Variants in MPRIP observed in about 807,000 individuals in gnomAD.
The protein encoded by MPRIP is myosin phosphatase Rho interacting protein, also known as myosin phosphatase Rho-interacting protein.
MPRIP carries 59 observed loss-of-function variants against 234.9 expected under a neutral mutation model. The ratio of observed to expected loss-of-function variants is 0.25; its 90% CI spans 0.20 to 0.31. The LOEUF (loss-of-function observed/expected upper bound fraction) is 0.31. Ranked by LOEUF, MPRIP falls within the 10% of genes least tolerant of loss-of-function variation. The pLI, the probability that MPRIP is intolerant of heterozygous loss-of-function variation, is 1.00. For synonymous variants in MPRIP, 1,144 were observed against 1,263.9 expected, an observed-to-expected ratio of 0.91 and a Z score of 2.01; for missense variants, 2,436 against 3,071.0, an observed-to-expected ratio of 0.79 and a Z score of 4.89.
intron 1 of MPRIP, among the ~76,000 whole-genome samples, chr17:17,059,819 T>C (rs1044646894): frequency 2.0e-5 from 3 of 151,926 alleles, no homozygotes; most frequent in Non-Finnish European, 4.4e-5. Context: ...AGTTGGGAGG[T>C]GAGCCAATTG....
intron 3 of MPRIP, among the ~76,000 whole-genome samples, chr17:17,121,120 C>G (rs2704336): frequency 6.6e-6 from 1 of 152,184 alleles, no homozygotes; most frequent in African/African-American, 2.4e-5. Context: ...AATTACAGTT[C>G]TGCGTTGTTT....
intron 13 of MPRIP, among the ~76,000 whole-genome samples, chr17:17,155,395 C>G (rs932598687): frequency 6.6e-6 from 1 of 152,072 alleles, no homozygotes; most frequent in African/African-American, 2.4e-5. Flanking sequence ...TGGGATTACC[C>G]ACCACACCCG....
chr17:17,114,709 C>T (rs1008833704), intron 3 of MPRIP, among the ~76,000 whole-genome samples: 5 of 146,654 alleles, frequency 3.4e-5, no homozygotes, highest in African/African-American at 1.0e-4. Context: ...ATCTACCCCC[C>T]GCCCACCCAC....
chr17:17,082,289 T>TG (rs2089480056), intron 3 of MPRIP, among the ~76,000 whole-genome samples: 2 of 133,470 alleles, frequency 1.5e-5, no homozygotes, highest in Non-Finnish European at 1.6e-5. Flanking sequence ...TTTCCAATTT[T>TG]TTTTTTTTTT....
At position 17,165,555 on chromosome 17, in the gene MPRIP, A is replaced by G. The variant is rs895519562; in HGVS notation, c.3964A>G (p.Ile1322Val). Reference protein sequence around the residue: ...QGAPGVKRQRIRFSTIQCQRY... With the variant: ...QGAPGVKRQRVRFSTIQCQRY... ...GGCACCTGGTGTTAAAAGGCAAAGAATCCGGTTCTCCACAATCCAGTGCCA... is the reference window on the plus strand; with the variant it reads ...GGCACCTGGTGTTAAAAGGCAAAGAGTCCGGTTCTCCACAATCCAGTGCCA... Residue 1322 changes from isoleucine (I) to valine (V), a missense_variant, in exon 16 of 24, where the codon ATC becomes GTC. Physicochemically the swap from Ile to Val is conservative, Grantham distance 29. This residue lies in a region of MPRIP where 1,998 missense variants were observed against 2,520.3 expected (regional missense o/e 0.79). Transcript: ENST00000651222. 10 of 1,304,436 alleles carry G rather than the reference A, an allele frequency of 7.7e-6. No homozygotes were observed. The African/African-American group carries it at 1.4e-4, about 18-fold the overall frequency. 80.8% of individuals were successfully genotyped at this position (1,304,436 alleles called of 1,614,324 possible). A position where few individuals can be genotyped will look rare whatever the true frequency, so the allele number is the denominator to read the frequency against.
At chr17:17,064,287 C>T (rs533404761) in intron 1 of MPRIP, among the ~76,000 whole-genome samples, 91 of 151,868 alleles carry the variant, frequency 6.0e-4, no homozygotes, top group African/African-American at 2.1e-3. Context: ...CTGCAACCTC[C>T]GCTTCCTGGG....
rs367768168 is a variant in MPRIP at position 17,108,926 on chromosome 17, A to AG, written c.268-17775dup. Among the ~76,000 whole-genome samples, 1,440 of 152,316 alleles carry AG rather than the reference A, an allele frequency of 9.5e-3. 16 individuals are homozygous for AG. Among genetic ancestry groups the AG allele is most frequent in the African/African-American group, 0.033 (1,359 of 41,578 alleles). On this transcript the variant is annotated intron_variant, in intron 3 of 23. Transcript: ENST00000651222. Reference sequence around the variant, plus strand: ...ACAGGAAGCTCCATCTGAAGCCACCAGTGGCAGCACTCCGCCCACCTGTAT... The same window carrying AG: ...ACAGGAAGCTCCATCTGAAGCCACCAGGTGGCAGCACTCCGCCCACCTGTAT...
chr17:17,114,228 A>G lies in MPRIP; in HGVS notation c.268-12474A>G, dbSNP rs141247059. The stretch of plus-strand genomic sequence containing the variant: ...TTTTATGTGTGTCTTGGCCATTTGT[A>G]TATCTTCTTTGTATATTCACATCCT... On this transcript the variant is annotated intron_variant, in intron 3 of 23. Coordinates refer to ENST00000651222, the MANE Select transcript of MPRIP (RefSeq NM_001364716.4). 9.9e-4 allele frequency among the ~76,000 whole-genome samples: 150 copies of G among 152,106 alleles called. 1 individual carries two copies. The highest frequency in any genetic ancestry group is 3.5e-3 in the African/African-American group (145 of 41,478).
chr17:17,159,111 G>A (rs1246744237), intron 14 of MPRIP, 109 bp downstream of exon 14: 7 of 1,154,756 alleles, frequency 6.1e-6, no homozygotes, highest in Non-Finnish European at 8.5e-6. Flanking sequence ...TACCCGCGAG[G>A]GACTTGCAGA....
chr17:17,113,887 T>TC (rs1555572926), intron 3 of MPRIP, among the ~76,000 whole-genome samples: 2 of 141,486 alleles, frequency 1.4e-5, no homozygotes, highest in African/African-American at 5.3e-5. Flanking sequence ...TTTCTTTTCT[T>TC]TTTTTTTTTT....
intron 3 of MPRIP, among the ~76,000 whole-genome samples, chr17:17,124,328 G>C (rs2090451057): frequency 6.6e-6 from 1 of 152,196 alleles, no homozygotes; most frequent in African/African-American, 2.4e-5. Flanking sequence ...GCCTCCAGGG[G>C]GCCGGTGGAT....
chr17:17,086,137 C>T (rs2089585413), intron 3 of MPRIP, among the ~76,000 whole-genome samples: 1 of 151,878 alleles, frequency 6.6e-6, no homozygotes, highest in South Asian at 2.1e-4. Flanking sequence ...ATGAGCAGTG[C>T]CCATGTTTAT....
chr17:17,103,296 G>A (rs981063892), intron 3 of MPRIP, among the ~76,000 whole-genome samples: 9 of 152,218 alleles, frequency 5.9e-5, no homozygotes, highest in African/African-American at 2.2e-4. Flanking sequence ...CTTGTCACCA[G>A]GAGCTGGCCC....
chr17:17,048,460 G>A (rs1183082223), intron 1 of MPRIP, among the ~76,000 whole-genome samples: 3 of 152,104 alleles, frequency 2.0e-5, no homozygotes, highest in South Asian at 2.1e-4. Flanking sequence ...CAGAAACAAC[G>A]GGGAGATTTC....
At chr17:17,103,577 T>TA (rs200165562) in intron 3 of MPRIP, among the ~76,000 whole-genome samples, 86 of 152,128 alleles carry the variant, frequency 5.7e-4, no homozygotes, top group African/African-American at 1.6e-3. Flanking sequence ...CTTTTGCTGT[T>TA]AAAAAAAACT....
chr17:17,145,640 A>G (rs2045446138), intron 9 of MPRIP, among the ~76,000 whole-genome samples: 1 of 152,210 alleles, frequency 6.6e-6, no homozygotes, highest in Non-Finnish European at 1.5e-5. Flanking sequence ...GAACTTTTGA[A>G]TCAATTCTCC....
intron 1 of MPRIP, among the ~76,000 whole-genome samples, chr17:17,054,696 A>G (rs2088640930): frequency 1.3e-5 from 2 of 152,226 alleles, no homozygotes; most frequent in East Asian, 1.9e-4. Flanking sequence ...GTTATAACAA[A>G]TCAATGTTGA....
intron 5 of MPRIP, among the ~76,000 whole-genome samples, chr17:17,134,653 AG>A (rs1479082255): frequency 1.3e-5 from 2 of 152,172 alleles, no homozygotes; most frequent in Non-Finnish European, 2.9e-5. Context: ...AAGTGCCAAC[AG>A]CTTTGGACCC....
chr17:17,047,771 G>C (rs564909140), intron 1 of MPRIP, among the ~76,000 whole-genome samples: 3 of 152,188 alleles, frequency 2.0e-5, no homozygotes, highest in Non-Finnish European at 4.4e-5. Context: ...AAATAATATG[G>C]TAAGTTTGAC....
Sources: gnomAD v4.1 joint callset for allele counts (sites outside exome capture counted in the v4.1 genomes callset) on GRCh38, gnomAD v4.1.1 for gene constraint, gnomAD v4.1.1 regional missense constraint, MANE v1.5 for transcripts, NCBI Gene and HGNC (gene_info 2026-07-23, HGNC 2026-07-21) for gene names.